UNKL: variants seen among roughly 807,000 people sequenced by gnomAD.
UNKL encodes the protein unk like zinc finger.
A neutral mutation model predicts 78.0 loss-of-function variants in UNKL; 60 were observed. The ratio of observed to expected loss-of-function variants is 0.77; its 90% CI spans 0.63 to 0.95. UNKL has a LOEUF of 0.95. Among genes scored for constraint, UNKL ranks in the 40% least tolerant of loss-of-function variants. The pLI, the probability that UNKL is intolerant of heterozygous loss-of-function variation, is 0.00. For synonymous variants in UNKL, 608 were observed against 474.8 expected (o/e 1.28, Z -3.65); for missense variants, 1,159 against 1,045.7 (o/e 1.11, Z -1.49).
chr16:1,401,038 T>C (rs2037502162), intron 4 of UNKL, among the ~76,000 whole-genome samples: 1 of 152,150 alleles, frequency 6.6e-6, no homozygotes, highest in Non-Finnish European at 1.5e-5. Context: ...TAACCTCATC[T>C]GTGTGCCAGC....
Position 1,364,463 on chromosome 16 carries a change from C to CA in UNKL, c.*1776dup, listed in dbSNP as rs2035073050. 6.6e-6 allele frequency: 1 copy of CA among 152,280 alleles called. No homozygotes were observed. The highest frequency in any genetic ancestry group is 2.4e-5 in the African/African-American group (1 of 41,476). 9.4% of individuals were successfully genotyped at this position (152,280 alleles called of 1,614,324 possible). On this transcript the variant is annotated 3_prime_UTR_variant, in exon 15 of 15. Coordinates refer to ENST00000389221, the MANE Select transcript of UNKL (RefSeq NM_001372107.1). ...GTGCCGCTTCCCACTCGTGTGCCCT[C>CA]ACCACCCACGTGGCCCGCGGAGAGC...
rs564323822 is a variant in UNKL at position 1,410,627 on chromosome 16, G to A, written c.287+3219C>T. ...AATCAGTGCCCTGTATTCAACACTG[G>A]AGTGGGGTCAGACAGGCTGGGTGCT... On this transcript the variant is annotated intron_variant, in intron 2 of 14. Transcript: ENST00000389221. Among the ~76,000 whole-genome samples the A allele has an allele frequency of 3.3e-4, 50 of 152,260 alleles. 1 individual carries two copies. The South Asian group carries it at 0.01, about 31-fold the overall frequency.
intron 6 of UNKL, among the ~76,000 whole-genome samples, chr16:1,394,706 C>A (rs2037185388): frequency 6.6e-6 from 1 of 152,188 alleles, no homozygotes; most frequent in Non-Finnish European, 1.5e-5. Context: ...TGGCCCAGCC[C>A]CTCCTGCTCC....
chr16:1,379,338 TC>T (rs2036475921), intron 10 of UNKL, among the ~76,000 whole-genome samples: 1 of 148,816 alleles, frequency 6.7e-6, no homozygotes, highest in African/African-American at 2.5e-5. Context: ...CCTGCCCCGC[TC>T]CCCTGCCCTC....
Position 1,413,909 on chromosome 16 carries a change from T to C in UNKL, c.224A>G (p.Tyr75Cys). ...PLRRRDGTFN[Y>C]SPDVYCSKYN... ...CTTGGAGCAGTACACGTCGGGGCTGTAGTTGAAGGTGCCGTCGCGCCTGCG... is the reference window on the plus strand; with the variant it reads ...CTTGGAGCAGTACACGTCGGGGCTGCAGTTGAAGGTGCCGTCGCGCCTGCG... The change falls in exon 2 of 15, where the codon TAC (tyrosine) becomes TGC (cysteine). Residue 75 changes from tyrosine (Y) to cysteine (C), a missense_variant. Tyr to Cys is a radical substitution (Grantham distance 194, BLOSUM62 -2). Transcript: ENST00000389221. The C allele has an allele frequency of 1.3e-6, 2 of 1,558,784 alleles. No homozygotes were observed. Among genetic ancestry groups the C allele is most frequent in the Non-Finnish European group, 1.7e-6 (2 of 1,151,524 alleles).
chr16:1,389,674 A>G (rs1455231050), intron 9 of UNKL, among the ~76,000 whole-genome samples: 2 of 152,244 alleles, frequency 1.3e-5, no homozygotes, highest in East Asian at 1.9e-4. Flanking sequence ...GACCCCAGGG[A>G]TGCCCACGCA....
chr16:1,371,823 C>T (rs981240775), intron 10 of UNKL, among the ~76,000 whole-genome samples: 15 of 152,222 alleles, frequency 9.9e-5, no homozygotes, highest in African/African-American at 2.4e-4. Flanking sequence ...TCCGGCAAAA[C>T]GAGCGTGCTC....
rs542348542 is a variant in UNKL, at chr16:1,387,263, CT to C, written c.1087-1879del. On this transcript the variant is annotated intron_variant, in intron 9 of 14. Transcript: ENST00000389221. This position sits in a 1 kb window ranked among gnomAD's most constrained non-coding sequence, Gnocchi z 4.1. Reference sequence around the variant, plus strand: ...CCATGCATGGTGCTGCCAATACCCCCTATCAATCCCCCATGGTGAGCCTGGT... The same window carrying C: ...CCATGCATGGTGCTGCCAATACCCCCATCAATCCCCCATGGTGAGCCTGGT... Among the ~76,000 whole-genome samples, 5 of 152,212 alleles carry C rather than the reference CT, an allele frequency of 3.3e-5. No homozygotes were observed. The highest frequency in any genetic ancestry group is 6.5e-5 in the Admixed American group (1 of 15,290).
intron 10 of UNKL, among the ~76,000 whole-genome samples, chr16:1,374,507 C>A (rs1011872407): frequency 1.3e-5 from 2 of 152,152 alleles, no homozygotes; most frequent in Non-Finnish European, 2.9e-5. Context: ...CCTGTCAGAC[C>A]CGACCGTGGG....
At chr16:1,370,077 G>A (rs1219252866) in intron 12 of UNKL, 53 bp downstream of exon 12, 7 of 1,546,966 alleles carry the variant, frequency 4.5e-6, no homozygotes, top group Non-Finnish European at 6.1e-6. Flanking sequence ...ATCTGGGAGG[G>A]AGCCCCACGG....
intron 12 of UNKL, among the ~76,000 whole-genome samples, chr16:1,369,172 C>G (rs913462187): frequency 6.9e-6 from 1 of 144,166 alleles, no homozygotes; most frequent in Non-Finnish European, 1.5e-5. Flanking sequence ...CGGGTTCAAG[C>G]GATTCTCCTG....
chr16:1,398,818 C>A (rs1490824550), intron 5 of UNKL: 3 of 1,553,838 alleles, frequency 1.9e-6, no homozygotes, highest in Admixed American at 3.9e-5. Context: ...AACCCACAAG[C>A]CAGACCCAGG....
intron 6 of UNKL, among the ~76,000 whole-genome samples, chr16:1,396,062 C>T (rs968490148): frequency 7.9e-5 from 12 of 152,020 alleles, no homozygotes; most frequent in Admixed American, 6.6e-4. Context: ...CGCGCCTCAG[C>T]CTCCAAGTAG....
At chr16:1,375,901 G>A (rs1202674854) in intron 10 of UNKL, among the ~76,000 whole-genome samples, 4 of 152,212 alleles carry the variant, frequency 2.6e-5, no homozygotes, top group African/African-American at 9.6e-5. Context: ...TCCACTTGAC[G>A]TTCTCAGGCC....
At chr16:1,372,505 C>T (rs1184278739) in intron 10 of UNKL, among the ~76,000 whole-genome samples, 2 of 152,052 alleles carry the variant, frequency 1.3e-5, no homozygotes, top group African/African-American at 4.8e-5. Flanking sequence ...CCCAAGTCCC[C>T]ACCCCCAACC....
chr16:1,403,364 G>C lies in UNKL; in HGVS notation c.288-20C>G, dbSNP rs555480178. On this transcript the variant is annotated intron_variant, in intron 2 of 14. Coordinates refer to ENST00000389221, the MANE Select transcript of UNKL (RefSeq NM_001372107.1). The surrounding 1 kb of genome is among the most constrained non-coding windows in gnomAD (Gnocchi z 4.8). ...GGACACCTGGGGAGCAGAGAGGCAC[G>C]CAATGCCTGGTTATCATGGACCCAG... 1.9e-6 allele frequency: 3 copies of C among 1,610,934 alleles called. No individual in the cohort carries two copies. Among genetic ancestry groups the C allele is most frequent in the Admixed American group, 3.3e-5 (2 of 59,752 alleles).
intron 4 of UNKL, among the ~76,000 whole-genome samples, chr16:1,401,069 C>T (rs1383153858): frequency 6.6e-6 from 1 of 152,162 alleles, no homozygotes; most frequent in African/African-American, 2.4e-5. Context: ...GGTCCCCCAG[C>T]CCCGAGGGAC....
chr16:1,381,316 T>G (rs1335815538), intron 10 of UNKL, among the ~76,000 whole-genome samples: 2 of 152,240 alleles, frequency 1.3e-5, no homozygotes, highest in Admixed American at 6.5e-5. Flanking sequence ...TGTGCTTATT[T>G]GTTTAAAAGA....
In UNKL at chr16:1,370,285, G is replaced by T; in HGVS notation, c.1430C>A (p.Ser477Ter). 6.5e-7 allele frequency: 1 copy of T among 1,534,054 alleles called. No individual in the cohort carries two copies. The highest frequency in any genetic ancestry group is 8.7e-7 in the Non-Finnish European group (1 of 1,145,298). The stretch of plus-strand genomic sequence containing the variant: ...CGGCGAGGTGGACGCAGAGGATGGC[G>T]AGTGTAGCGATGGTGCTCTGGGCAG... Reference protein sequence around the residue: ...GSLPRAPSLHSPSSASTSPLG... With the variant: ...GSLPRAPSLH The change falls in exon 12 of 15, where the codon TCG becomes TAG. Residue 477 changes from serine (S) to a stop codon, truncating the protein, a stop_gained. Coordinates refer to ENST00000389221, the MANE Select transcript of UNKL (RefSeq NM_001372107.1). LOFTEE classifies it high-confidence loss of function.
Sources: gnomAD v4.1 joint callset for allele counts (sites outside exome capture counted in the v4.1 genomes callset) on GRCh38, gnomAD v4.1.1 for gene constraint, Gnocchi (gnomAD v3.1) non-coding constraint, MANE v1.5 for transcripts, NCBI Gene and HGNC (gene_info 2026-07-23, HGNC 2026-07-21) for gene names.